KCNIP4: variants seen among roughly 807,000 people sequenced by gnomAD.
KCNIP4 encodes the protein potassium voltage-gated channel interacting protein 4, also known as Kv channel-interacting protein 4.
A neutral mutation model predicts 34.0 loss-of-function variants in KCNIP4; 12 were observed. That is an observed-to-expected ratio of 0.35 (90% CI 0.23 to 0.57). KCNIP4 has a LOEUF of 0.57. Among genes scored for constraint, KCNIP4 ranks in the 20% least tolerant of loss-of-function variants. KCNIP4 has a pLI of 0.83. For synonymous variants in KCNIP4, 124 were observed against 102.2 expected (o/e 1.21, Z -1.29); for missense variants, 238 against 311.7 (o/e 0.76, Z 1.78).
chr4:21,790,117 G>C (rs995648711), intron 1 of KCNIP4, among the ~76,000 whole-genome samples: 1 of 152,136 alleles, frequency 6.6e-6, no homozygotes, highest in Non-Finnish European at 1.5e-5. Context: ...GAGGAGGCTG[G>C]GAAGAAACCA....
intron 1 of KCNIP4, among the ~76,000 whole-genome samples, chr4:21,568,231 A>G (rs1337896592): frequency 3.3e-5 from 5 of 152,134 alleles, no homozygotes; most frequent in African/African-American, 1.2e-4. Context: ...ATGTCACCTT[A>G]TTTGAAAATA....
At chr4:21,485,031 C>T (rs1731787609) in intron 1 of KCNIP4, among the ~76,000 whole-genome samples, 1 of 152,096 alleles carries the variant, frequency 6.6e-6, no homozygotes, top group South Asian at 2.1e-4. Flanking sequence ...TCTTTGCTCC[C>T]ATTTGGTGAT....
At chr4:21,384,496 T>C in intron 1 of KCNIP4, among the ~76,000 whole-genome samples, 1 of 152,192 alleles carries the variant, frequency 6.6e-6, no homozygotes, top group Admixed American at 6.5e-5. Flanking sequence ...TTTTGAACCA[T>C]TCCTAGAAAG....
intron 1 of KCNIP4, among the ~76,000 whole-genome samples, chr4:21,226,070 G>A (rs2109010527): frequency 6.6e-6 from 1 of 151,868 alleles, no homozygotes; most frequent in Admixed American, 6.6e-5. Flanking sequence ...AACTCTATAA[G>A]GCAGATACTG....
intron 1 of KCNIP4, among the ~76,000 whole-genome samples, chr4:21,262,353 C>T (rs1313136615): frequency 1.3e-5 from 2 of 152,262 alleles, no homozygotes; most frequent in South Asian, 4.1e-4. Context: ...GCATCTGTGT[C>T]TCTTTGTTGG....
chr4:21,433,577 A>G (rs1451168779), intron 1 of KCNIP4, among the ~76,000 whole-genome samples: 1 of 152,206 alleles, frequency 6.6e-6, no homozygotes, highest in African/African-American at 2.4e-5. Flanking sequence ...GTGTGAGAAT[A>G]AATACTCATT....
chr4:21,265,813 G>A (rs1196557255), intron 1 of KCNIP4, among the ~76,000 whole-genome samples: 1 of 152,064 alleles, frequency 6.6e-6, no homozygotes, highest in Admixed American at 6.5e-5. Context: ...ATCAAAGAAA[G>A]CATCAATTTT....
intron 1 of KCNIP4, among the ~76,000 whole-genome samples, chr4:21,625,057 C>A (rs1309636183): frequency 6.6e-6 from 1 of 151,904 alleles, no homozygotes; most frequent in African/African-American, 2.4e-5. Context: ...CACAGCAAAC[C>A]AACAGTGCTT....
At chr4:21,266,612 A>C (rs952595623) in intron 1 of KCNIP4, among the ~76,000 whole-genome samples, 1 of 152,220 alleles carries the variant, frequency 6.6e-6, no homozygotes, top group Non-Finnish European at 1.5e-5. Context: ...CGTTTGACCT[A>C]GGCTAAAGTG....
chr4:21,845,550 ATT>A (rs566715548), intron 1 of KCNIP4: 3 of 152,188 alleles, frequency 2.0e-5, no homozygotes, highest in African/African-American at 7.2e-5. Context: ...ATAAGAGCAG[ATT>A]TTTTTAAGTG....
chr4:21,240,810 C>T (rs1759756223), intron 1 of KCNIP4, among the ~76,000 whole-genome samples: 1 of 152,160 alleles, frequency 6.6e-6, no homozygotes, highest in Admixed American at 6.5e-5. Flanking sequence ...TATAGGCAGC[C>T]ATGCCTCAGA....
At chr4:21,411,979 A>C (rs1049109376) in intron 1 of KCNIP4, among the ~76,000 whole-genome samples, 8 of 152,238 alleles carry the variant, frequency 5.3e-5, no homozygotes, top group Non-Finnish European at 1.0e-4. Context: ...AGGAAGAGGA[A>C]GAGCTACAGT....
intron 1 of KCNIP4, chr4:21,697,328 A>G: frequency 7.0e-7 from 1 of 1,419,880 alleles, no homozygotes; most frequent in East Asian, 2.8e-5. Flanking sequence ...AAAAAAAAAA[A>G]AAAAAAAAAA....
chr4:21,931,748 T>C (rs1729580250), intron 1 of KCNIP4, among the ~76,000 whole-genome samples: 1 of 152,140 alleles, frequency 6.6e-6, no homozygotes, highest in African/African-American at 2.4e-5. Flanking sequence ...TACGTGTGCA[T>C]GTGTCTTTAT....
At chr4:21,734,742 A>AT (rs1255362668) in intron 1 of KCNIP4, among the ~76,000 whole-genome samples, 4 of 152,126 alleles carry the variant, frequency 2.6e-5, no homozygotes, top group Admixed American at 2.0e-4. Context: ...ATACAACAGA[A>AT]TTTTCAAAAG....
intron 1 of KCNIP4, among the ~76,000 whole-genome samples, chr4:21,559,039 C>A (rs1739300343): frequency 6.6e-6 from 1 of 152,076 alleles, no homozygotes; most frequent in Non-Finnish European, 1.5e-5. Context: ...ATCAGAACCA[C>A]CTTAATTTAC....
At chr4:21,148,313 A>C (rs1360292748) in intron 1 of KCNIP4, among the ~76,000 whole-genome samples, 1 of 152,208 alleles carries the variant, frequency 6.6e-6, no homozygotes, top group Non-Finnish European at 1.5e-5. Context: ...AGGATGCTGG[A>C]GTCAGCAATT....
At chr4:20,810,595 C>T (rs894032172) in intron 3 of KCNIP4, among the ~76,000 whole-genome samples, 13 of 152,036 alleles carry the variant, frequency 8.6e-5, no homozygotes, top group Admixed American at 5.2e-4. Flanking sequence ...TAACAATCAG[C>T]TTTAGTCTTC....
chr4:21,112,366 A>C (rs1488201586), intron 1 of KCNIP4, among the ~76,000 whole-genome samples: 1 of 152,184 alleles, frequency 6.6e-6, no homozygotes, highest in African/African-American at 2.4e-5. Flanking sequence ...CTGTAGAAGC[A>C]AAGTGGAGCC....
Sources: allele counts gnomAD v4.1 joint callset (sites outside exome capture counted in the v4.1 genomes callset), GRCh38; gene constraint gnomAD v4.1.1; transcripts MANE v1.5; gene names NCBI Gene and HGNC (gene_info 2026-07-23, HGNC 2026-07-21).